Variants in TMEM132D observed in about 807,000 individuals in gnomAD.
The protein encoded by TMEM132D is transmembrane protein 132D, also known as mature OL transmembrane protein.
TMEM132D carries 21 observed loss-of-function variants against 62.3 expected under a neutral mutation model. The observed-to-expected ratio is 0.34, with a 90% CI of 0.24 to 0.49. The LOEUF is 0.49. TMEM132D is among the 20% of genes least tolerant of loss of function. The pLI, the probability that TMEM132D is intolerant of heterozygous loss-of-function variation, is 0.99. For synonymous variants in TMEM132D, 621 were observed against 575.6 expected, an observed-to-expected ratio of 1.08 and a Z score of -1.13; for missense variants, 1,346 against 1,402.8, an observed-to-expected ratio of 0.96 and a Z score of 0.65.
chr12:129,711,477 G>A (rs985046725), intron 1 of TMEM132D, among the ~76,000 whole-genome samples: 1 of 152,184 alleles, frequency 6.6e-6, no homozygotes, highest in Non-Finnish European at 1.5e-5. Flanking sequence ...TGTAATCCCA[G>A]CACTTTGGGA....
chr12:129,188,041 T>A lies in TMEM132D; in HGVS notation c.1443+21479A>T, dbSNP rs143721494. Among the ~76,000 whole-genome samples the A allele has an allele frequency of 6.1e-4, 93 of 152,334 alleles. No homozygotes were observed. In the South Asian group the frequency reaches 0.012, roughly 19 times the overall value. The stretch of plus-strand genomic sequence containing the variant: ...TGACGCGGTAGACTGACAGCAACAA[T>A]GGCTGCAGTTTTAATCTCTCTCCCA... On this transcript the variant is annotated intron_variant, in intron 5 of 8. Coordinates refer to ENST00000422113, the MANE Select transcript of TMEM132D (RefSeq NM_133448.3).
intron 2 of TMEM132D, among the ~76,000 whole-genome samples, chr12:129,688,973 A>C (rs1880996920): frequency 6.6e-6 from 1 of 152,142 alleles, no homozygotes; most frequent in African/African-American, 2.4e-5. Context: ...ATATCTGGCA[A>C]TATCTGGACA....
chr12:129,194,287 C>T (rs559606288), intron 5 of TMEM132D, among the ~76,000 whole-genome samples: 3 of 152,342 alleles, frequency 2.0e-5, no homozygotes, highest in South Asian at 2.1e-4. Context: ...GCTATTCTCA[C>T]CATAGGTTTA....
intron 1 of TMEM132D, among the ~76,000 whole-genome samples, chr12:129,901,154 C>T (rs562706481): frequency 1.3e-5 from 2 of 152,176 alleles, no homozygotes; most frequent in Admixed American, 1.3e-4. Flanking sequence ...AAATGAGGCA[C>T]TTTGGGGTAT....
intron 2 of TMEM132D, among the ~76,000 whole-genome samples, chr12:129,621,869 TC>T (rs1879080334): frequency 6.6e-6 from 1 of 152,192 alleles, no homozygotes; most frequent in South Asian, 2.1e-4. Flanking sequence ...TGAAACCACC[TC>T]CCTTTATGGA....
At chr12:129,808,225 A>G (rs745628028) in intron 1 of TMEM132D, among the ~76,000 whole-genome samples, 14 of 152,214 alleles carry the variant, frequency 9.2e-5, no homozygotes, top group Non-Finnish European at 1.9e-4. Context: ...GTCTCTAACG[A>G]ATGAGCCCTA....
At chr12:129,634,847 T>C (rs531891269) in intron 2 of TMEM132D, among the ~76,000 whole-genome samples, 1 of 152,324 alleles carries the variant, frequency 6.6e-6, no homozygotes, top group South Asian at 2.1e-4. Context: ...ACCTAAGAGT[T>C]TACAAATATA....
intron 2 of TMEM132D, among the ~76,000 whole-genome samples, chr12:129,666,257 C>G (rs890685305): frequency 1.3e-5 from 2 of 152,150 alleles, no homozygotes; most frequent in Non-Finnish European, 2.9e-5. Flanking sequence ...AAGAAACTGG[C>G]AAATGAAAAA....
chr12:129,666,673 C>CCTT (rs1290883191), intron 2 of TMEM132D, among the ~76,000 whole-genome samples: 2 of 152,146 alleles, frequency 1.3e-5, no homozygotes, highest in Non-Finnish European at 2.9e-5. Context: ...AACAGTCAGA[C>CCTT]CTTATCTTCA....
At chr12:129,675,282 C>A (rs1880599115) in intron 2 of TMEM132D, among the ~76,000 whole-genome samples, 1 of 151,228 alleles carries the variant, frequency 6.6e-6, no homozygotes, top group Admixed American at 6.6e-5. Flanking sequence ...AACAGAAAAC[C>A]ATACACCACA....
At chr12:129,464,136 C>T (rs10847883) in intron 3 of TMEM132D, among the ~76,000 whole-genome samples, 1 of 148,212 alleles carries the variant, frequency 6.7e-6, no homozygotes, top group African/African-American at 2.5e-5. Flanking sequence ...TCCAGCACCT[C>T]TTGTTTCCTG....
chr12:129,074,985 G>A lies in TMEM132D; in HGVS notation c.2190C>T (p.Asp730=), dbSNP rs374951513. 4.3e-5 allele frequency: 70 copies of A among 1,613,876 alleles called. No individual in the cohort carries two copies. The highest frequency in any genetic ancestry group is 5.3e-5 in the Non-Finnish European group (62 of 1,180,042). Residue 730 remains aspartate (D), a synonymous_variant, in exon 9 of 9, where the codon GAC becomes GAT. Coordinates refer to ENST00000422113, the MANE Select transcript of TMEM132D (RefSeq NM_133448.3). ...CCAAAGATGTGGCCATCAAGGAGAA[G>A]TCTTTCCCATCGTAAATATCCAAGG... The part of the protein sequence containing the change: ...VTPLDIYDGK[D]FSLMATSLDE...
intron 3 of TMEM132D, among the ~76,000 whole-genome samples, chr12:129,458,814 G>A (rs1056152292): frequency 5.9e-5 from 9 of 152,140 alleles, no homozygotes; most frequent in South Asian, 2.1e-4. Flanking sequence ...TTTCTGACAC[G>A]GTTTCACCCA....
intron 1 of TMEM132D, among the ~76,000 whole-genome samples, chr12:129,902,175 C>T (rs948893485): frequency 6.6e-6 from 1 of 152,158 alleles, no homozygotes; most frequent in Non-Finnish European, 1.5e-5. Context: ...GCAACATAAC[C>T]TCAGTGATTC....
At chr12:129,826,817 G>C (rs1186805959) in intron 1 of TMEM132D, among the ~76,000 whole-genome samples, 1 of 152,140 alleles carries the variant, frequency 6.6e-6, no homozygotes, top group Non-Finnish European at 1.5e-5. Context: ...CAGGTGTGGG[G>C]AGAAGCTTCG....
chr12:129,340,954 G>C (rs894881005), intron 3 of TMEM132D, among the ~76,000 whole-genome samples: 1 of 152,156 alleles, frequency 6.6e-6, no homozygotes, highest in Non-Finnish European at 1.5e-5. Flanking sequence ...TTCCCCAATA[G>C]TTCATCTACA....
intron 3 of TMEM132D, among the ~76,000 whole-genome samples, chr12:129,374,269 CAGAGAG>C (rs35178347): frequency 1.1e-4 from 16 of 144,266 alleles, no homozygotes; most frequent in South Asian, 2.3e-4. Context: ...CCTCACACAT[CAGAGAG>C]AGAGAGAGAG....
chr12:129,748,754 T>A (rs1007625113), intron 1 of TMEM132D, among the ~76,000 whole-genome samples: 4 of 152,192 alleles, frequency 2.6e-5, no homozygotes, highest in Admixed American at 1.3e-4. Flanking sequence ...TTGACAAGCA[T>A]CTTCTCCTTC....
At chr12:129,109,010 A>G (rs1000397119) in intron 5 of TMEM132D, among the ~76,000 whole-genome samples, 3 of 152,226 alleles carry the variant, frequency 2.0e-5, no homozygotes, top group African/African-American at 4.8e-5. Flanking sequence ...CTAGACTTCA[A>G]TAATCAATTT....
Sources: gnomAD v4.1 joint callset for allele counts (sites outside exome capture counted in the v4.1 genomes callset) on GRCh38, gnomAD v4.1.1 for gene constraint, MANE v1.5 for transcripts, NCBI Gene and HGNC (gene_info 2026-07-23, HGNC 2026-07-21) for gene names.